The following CADM2 variants were observed in gnomAD, a reference collection of about 807,000 sequenced individuals.
The protein encoded by CADM2 is immunoglobulin superfamily member 4D.
Under a neutral mutation model 49.8 loss-of-function variants are expected in CADM2, and 12 were observed. The ratio of observed to expected loss-of-function variants is 0.24; its 90% CI spans 0.15 to 0.39. CADM2 has a LOEUF of 0.39. Among genes scored for constraint, CADM2 ranks in the 10% least tolerant of loss-of-function variants. The pLI is 1.00. For synonymous variants in CADM2, 214 were observed against 175.4 expected (o/e 1.22, Z -1.74); for missense variants, 378 against 492.3 (o/e 0.77, Z 2.20).
chr3:86,002,227 T>A (rs1257652433), intron 8 of CADM2, among the ~76,000 whole-genome samples: 1 of 152,162 alleles, frequency 6.6e-6, no homozygotes, highest in African/African-American at 2.4e-5. Context: ...TGGTGAGCTG[T>A]CTATACCCTT....
chr3:85,663,802 A>G (rs987254435), intron 1 of CADM2, among the ~76,000 whole-genome samples: 1 of 151,918 alleles, frequency 6.6e-6, no homozygotes, highest in Non-Finnish European at 1.5e-5. Flanking sequence ...TCTCCTCCAT[A>G]TATTTACCAC....
intron 1 of CADM2, among the ~76,000 whole-genome samples, chr3:85,287,275 C>A (rs2043656273): frequency 6.6e-6 from 1 of 151,820 alleles, no homozygotes; most frequent in Non-Finnish European, 1.5e-5. Flanking sequence ...TACTTTATGT[C>A]CATACTTTTT....
At chr3:85,162,876 C>T (rs2040368220) in intron 1 of CADM2, among the ~76,000 whole-genome samples, 1 of 151,562 alleles carries the variant, frequency 6.6e-6, no homozygotes, top group Admixed American at 6.6e-5. Context: ...GTAAATATTA[C>T]CACAACACTA....
chr3:85,310,704 G>A (rs935257979), intron 1 of CADM2, among the ~76,000 whole-genome samples: 6 of 152,150 alleles, frequency 3.9e-5, no homozygotes, highest in African/African-American at 1.4e-4. Flanking sequence ...TTCTAAAATA[G>A]AGTGGTTTTT....
intron 3 of CADM2, among the ~76,000 whole-genome samples, chr3:85,815,725 AG>A (rs1385214946): frequency 6.6e-6 from 1 of 152,128 alleles, no homozygotes; most frequent in Non-Finnish European, 1.5e-5. Flanking sequence ...TATTCAACAT[AG>A]TACTGGAAGT....
intron 1 of CADM2, among the ~76,000 whole-genome samples, chr3:85,017,308 A>G (rs889417113): frequency 9.8e-5 from 15 of 152,324 alleles, no homozygotes; most frequent in Middle Eastern, 3.4e-3. Flanking sequence ...GGAGATATTA[A>G]CGTTGAAATT....
intron 1 of CADM2, among the ~76,000 whole-genome samples, chr3:85,215,352 CT>C (rs367894364): frequency 0.077 from 8,423 of 109,744 alleles, 561 homozygotes; most frequent in African/African-American, 0.14. Flanking sequence ...AAAGTTCTCT[CT>C]TTTTTAAAAA....
chr3:85,340,080 T>C (rs553590293), intron 1 of CADM2, among the ~76,000 whole-genome samples: 1 of 151,602 alleles, frequency 6.6e-6, no homozygotes, highest in African/African-American at 2.4e-5. Context: ...ATGAAAAGCA[T>C]GTGAATATTT....
chr3:85,093,507 T>G (rs2037679523), intron 1 of CADM2, among the ~76,000 whole-genome samples: 1 of 151,710 alleles, frequency 6.6e-6, no homozygotes, highest in Non-Finnish European at 1.5e-5. Context: ...AAAAAAAAGA[T>G]ACATCCTTAC....
intron 8 of CADM2, chr3:86,013,141 A>T: frequency 7.5e-7 from 1 of 1,339,522 alleles, no homozygotes; most frequent in Non-Finnish European, 1.1e-6. Flanking sequence ...GTAAGTAGAC[A>T]CAGAAAACGA....
In CADM2 at chr3:85,798,485, A is replaced by G. The variant is rs903103147; in HGVS notation, c.89-3562A>G. On this transcript the variant is annotated intron_variant, in intron 2 of 9. Transcript: ENST00000383699. ...GGGGTCCAGTTTCAGTTTTCTGCAT[A>G]TGGCTAGCCAATTTTCCCAACACCA... 2.0e-5 allele frequency among the ~76,000 whole-genome samples: 3 copies of G among 152,164 alleles called. No homozygotes were observed. The East Asian group carries it at 5.8e-4, about 29-fold the overall frequency.
rs1337153627 is a variant in CADM2, at chr3:85,919,160, A to T, written c.700+6617A>T. Among the ~76,000 whole-genome samples, 4 of 152,066 alleles carry T rather than the reference A, an allele frequency of 2.6e-5. No individual in the cohort carries two copies. The East Asian group carries it at 7.7e-4, about 29-fold the overall frequency. On this transcript the variant is annotated intron_variant, in intron 6 of 9. Transcript: ENST00000383699. Reference sequence around the variant, plus strand: ...TTCAAATTTTAAAAAATGTGTGTAAAGTATATTTTCTATATAATTCATCTC... The same window carrying T: ...TTCAAATTTTAAAAAATGTGTGTAATGTATATTTTCTATATAATTCATCTC...
intron 1 of CADM2, among the ~76,000 whole-genome samples, chr3:85,224,454 T>C (rs2042107875): frequency 6.6e-6 from 1 of 152,190 alleles, no homozygotes; most frequent in Non-Finnish European, 1.5e-5. Flanking sequence ...ATTGTTTGAT[T>C]TTTTCCTTGT....
chr3:85,061,858 T>A (rs961754362), intron 1 of CADM2, among the ~76,000 whole-genome samples: 3 of 152,166 alleles, frequency 2.0e-5, no homozygotes, highest in African/African-American at 7.2e-5. Flanking sequence ...TAGTTCATAC[T>A]TTCTTCCCTT....
intron 5 of CADM2, among the ~76,000 whole-genome samples, chr3:85,890,946 G>A (rs1245702676): frequency 6.6e-6 from 1 of 152,092 alleles, no homozygotes; most frequent in Non-Finnish European, 1.5e-5. Flanking sequence ...AGAGAGGCAG[G>A]GTTCAGTTAT....
chr3:85,113,946 G>A (rs970028221), intron 1 of CADM2, among the ~76,000 whole-genome samples: 2 of 151,990 alleles, frequency 1.3e-5, no homozygotes, highest in African/African-American at 4.8e-5. Context: ...CTCCCACAGA[G>A]CAATTTCCCC....
At chr3:85,326,707 A>G (rs2044763681) in intron 1 of CADM2, among the ~76,000 whole-genome samples, 1 of 152,196 alleles carries the variant, frequency 6.6e-6, no homozygotes, top group African/African-American at 2.4e-5. Context: ...CTACCCAGGC[A>G]TGAACCCCCA....
At chr3:85,155,920 C>T (rs2040099988) in intron 1 of CADM2, among the ~76,000 whole-genome samples, 1 of 152,140 alleles carries the variant, frequency 6.6e-6, no homozygotes, top group African/African-American at 2.4e-5. Context: ...ATTCCAGAAT[C>T]TCTGGGACGC....
chr3:85,709,771 T>TA (rs2067060122), intron 1 of CADM2, among the ~76,000 whole-genome samples: 1 of 152,130 alleles, frequency 6.6e-6, no homozygotes, highest in African/African-American at 2.4e-5. Flanking sequence ...ACTGAAACCT[T>TA]AAAAAAGAAG....
Sources: gnomAD v4.1 joint callset for allele counts (sites outside exome capture counted in the v4.1 genomes callset) on GRCh38, gnomAD v4.1.1 for gene constraint, MANE v1.5 for transcripts, NCBI Gene and HGNC (gene_info 2026-07-23, HGNC 2026-07-21) for gene names.